UCK2: variants seen among roughly 807,000 people sequenced by gnomAD.
UCK2 encodes the protein uridine-cytidine kinase 2, also known as cytidine monophosphokinase 2.
A neutral mutation model predicts 30.8 loss-of-function variants in UCK2; 6 were observed. That is an observed-to-expected ratio of 0.19 (90% CI 0.11 to 0.38). The LOEUF is 0.38. UCK2 is among the 10% of genes least tolerant of loss of function. The probability of loss-of-function intolerance (pLI) is 1.00; values close to 1 mark genes in which losing one functional copy is unlikely to be tolerated. For synonymous variants in UCK2, 125 were observed against 133.6 expected (o/e 0.94, Z 0.45); for missense variants, 210 against 339.8 (o/e 0.62, Z 3.00).
chr1:165,901,057 G>T (rs1396020647), intron 4 of UCK2, among the ~76,000 whole-genome samples: 1 of 152,140 alleles, frequency 6.6e-6, no homozygotes, highest in Non-Finnish European at 1.5e-5. Flanking sequence ...CTTCTGGGGG[G>T]TGAGCCACGT....
chr1:165,902,225 T>A (rs1346524005), intron 4 of UCK2, among the ~76,000 whole-genome samples: 1 of 151,898 alleles, frequency 6.6e-6, no homozygotes, highest in East Asian at 1.9e-4. Flanking sequence ...GACAGAGTGA[T>A]GAGACTCTGT....
chr1:165,880,938 G>A (rs540072138), intron 1 of UCK2, among the ~76,000 whole-genome samples: 10 of 152,114 alleles, frequency 6.6e-5, no homozygotes, highest in Non-Finnish European at 8.8e-5. Context: ...ATGGGAGGCC[G>A]AGGCGTGTGG....
intron 1 of UCK2, among the ~76,000 whole-genome samples, chr1:165,858,158 C>T (rs993973861): frequency 6.6e-6 from 1 of 152,190 alleles, no homozygotes; most frequent in African/African-American, 2.4e-5. Flanking sequence ...AGTTTACAGC[C>T]ACTGTGCAAG....
intron 1 of UCK2, among the ~76,000 whole-genome samples, chr1:165,834,544 C>T (rs950132992): frequency 9.9e-5 from 15 of 152,240 alleles, no homozygotes; most frequent in Middle Eastern, 3.4e-3. Flanking sequence ...TAAAGCCCTC[C>T]AGCATTAGGC....
rs773897353 is a variant in UCK2 at position 165,907,773 on chromosome 1, A to G, written c.736A>G (p.Thr246Ala). The G allele has an allele frequency of 1.9e-6, 3 of 1,613,854 alleles. No homozygotes were observed. The highest frequency in any genetic ancestry group is 2.5e-6 in the Non-Finnish European group (3 of 1,179,986). ...GACCAATGGCTGTCTCAACGGCTAC[A>G]CCCCTTCACGCAAGAGGCAGGCATC... ...RQTNGCLNGY[T>A]PSRKRQASES... The change falls in exon 7 of 7, where the codon ACC becomes GCC. Residue 246 changes from threonine (T) to alanine (A), a missense_variant. By Grantham distance (58) the Thr-to-Ala change is moderately conservative. Around this residue, in one of 4 missense-constraint regions of UCK2, gnomAD observed 38 missense variants for 45.4 expected, o/e 0.84. Transcript: ENST00000367879.
chr1:165,850,821 A>T (rs1460166403), intron 1 of UCK2, among the ~76,000 whole-genome samples: 2 of 148,340 alleles, frequency 1.3e-5, no homozygotes, highest in Non-Finnish European at 3.0e-5. Flanking sequence ...ACGGGGTTTC[A>T]CCGTGTTAGC....
chr1:165,879,782 A>C (rs1314874389), intron 1 of UCK2, among the ~76,000 whole-genome samples: 1 of 152,152 alleles, frequency 6.6e-6, no homozygotes, highest in African/African-American at 2.4e-5. Flanking sequence ...GAATTGAGAC[A>C]GCCAATAGAG....
chr1:165,888,248 A>T (rs1259514572), intron 1 of UCK2, among the ~76,000 whole-genome samples: 1 of 151,900 alleles, frequency 6.6e-6, no homozygotes. Context: ...GAGTCATCAA[A>T]CCTCTAAATA....
chr1:165,906,784 T>A (rs924691939), intron 6 of UCK2, among the ~76,000 whole-genome samples: 2 of 152,250 alleles, frequency 1.3e-5, no homozygotes, highest in Non-Finnish European at 2.9e-5. Flanking sequence ...CTCTTTAGAA[T>A]TTATTTAATT....
intron 1 of UCK2, among the ~76,000 whole-genome samples, chr1:165,848,558 C>CT (rs2101856376): frequency 6.6e-6 from 1 of 151,286 alleles, no homozygotes; most frequent in African/African-American, 2.5e-5. Context: ...CTTGAACCCA[C>CT]CGAGGCGGAG....
chr1:165,889,540 A>G (rs2101880833), intron 1 of UCK2, among the ~76,000 whole-genome samples: 1 of 152,094 alleles, frequency 6.6e-6, no homozygotes, highest in African/African-American at 2.4e-5. Flanking sequence ...CTTCTGGAGG[A>G]GGAGGTGGTG....
At chr1:165,887,724 C>T (rs576565965) in intron 1 of UCK2, among the ~76,000 whole-genome samples, 3 of 152,058 alleles carry the variant, frequency 2.0e-5, no homozygotes, top group Non-Finnish European at 4.4e-5. Context: ...TGAGGGCCTA[C>T]AGGTGTTTAA....
chr1:165,838,851 C>T (rs931899128), intron 1 of UCK2, among the ~76,000 whole-genome samples: 2 of 152,026 alleles, frequency 1.3e-5, no homozygotes, highest in African/African-American at 4.8e-5. Flanking sequence ...AGGTCGAGAC[C>T]AGCCTGACCA....
At chr1:165,886,844 A>AT (rs1655627988) in intron 1 of UCK2, among the ~76,000 whole-genome samples, 1 of 152,176 alleles carries the variant, frequency 6.6e-6, no homozygotes. Flanking sequence ...GGATGATATA[A>AT]CCAAACCCTA....
chr1:165,877,108 C>T (rs1483550778), intron 1 of UCK2, among the ~76,000 whole-genome samples: 12 of 152,124 alleles, frequency 7.9e-5, no homozygotes, highest in Non-Finnish European at 1.8e-4. Flanking sequence ...CACTGACCCC[C>T]CCAAAATTTG....
chr1:165,893,155 G>A (rs1655810697), intron 3 of UCK2, among the ~76,000 whole-genome samples: 1 of 152,194 alleles, frequency 6.6e-6, no homozygotes, highest in Admixed American at 6.5e-5. Flanking sequence ...GAAAGCAGTG[G>A]AACTGAGCAT....
At chr1:165,837,658 G>A (rs184543981) in intron 1 of UCK2, among the ~76,000 whole-genome samples, 1 of 152,228 alleles carries the variant, frequency 6.6e-6, no homozygotes, top group African/African-American at 2.4e-5. Flanking sequence ...ATCTTCTCTA[G>A]ACTGAGCTCT....
intron 4 of UCK2, among the ~76,000 whole-genome samples, chr1:165,899,778 G>A (rs1181772735): frequency 6.6e-6 from 1 of 152,216 alleles, no homozygotes; most frequent in Non-Finnish European, 1.5e-5. Context: ...GCGCGGCCCT[G>A]TTTCCTGACT....
intron 1 of UCK2, among the ~76,000 whole-genome samples, chr1:165,839,625 C>T (rs1180638336): frequency 1.3e-5 from 2 of 152,058 alleles, no homozygotes; most frequent in Non-Finnish European, 2.9e-5. Context: ...GAAGATGCTT[C>T]CTTGTTGAGG....
Sources: gnomAD v4.1 joint callset for allele counts (sites outside exome capture counted in the v4.1 genomes callset) on GRCh38, gnomAD v4.1.1 for gene constraint, gnomAD v4.1.1 regional missense constraint, MANE v1.5 for transcripts, NCBI Gene and HGNC (gene_info 2026-07-23, HGNC 2026-07-21) for gene names.